Variants in DNAH10 observed in about 807,000 individuals in gnomAD.
The protein encoded by DNAH10 is axonemal beta dynein heavy chain 10.
DNAH10 carries 348 observed loss-of-function variants against 506.6 expected under a neutral mutation model. That is an observed-to-expected ratio of 0.69 (90% CI 0.63 to 0.75). The LOEUF (loss-of-function observed/expected upper bound fraction) is 0.75. Ranked by LOEUF, DNAH10 falls within the 30% of genes least tolerant of loss-of-function variation. The pLI is 0.00. For synonymous variants in DNAH10, 2,059 were observed against 2,198.6 expected (o/e 0.94, Z 1.78); for missense variants, 5,179 against 5,787.1 (o/e 0.89, Z 3.41).
chr12:123,886,941 T>G (rs1952760927), intron 51 of DNAH10, among the ~76,000 whole-genome samples: 1 of 152,160 alleles, frequency 6.6e-6, no homozygotes, highest in Non-Finnish European at 1.5e-5. Flanking sequence ...CCCCCTTTCC[T>G]CTGTTGCTGG....
intron 30 of DNAH10, among the ~76,000 whole-genome samples, chr12:123,842,808 G>A (rs950043969): frequency 6.6e-6 from 1 of 152,172 alleles, no homozygotes; most frequent in African/African-American, 2.4e-5. Context: ...AATGAAATAA[G>A]TGGTTTAACA....
At position 123,932,083 on chromosome 12, in the gene DNAH10, G is replaced by A. The variant is rs1955240423; in HGVS notation, c.13271G>A (p.Arg4424Gln). 14 of 1,613,696 alleles carry A rather than the reference G, an allele frequency of 8.7e-6. No homozygotes were observed. Among genetic ancestry groups the A allele is most frequent in the South Asian group, 7.7e-5 (7 of 91,076 alleles). Residue 4424 changes from arginine to glutamine, a missense_variant, in exon 76 of 79, where the codon CGG (arginine) becomes CAG (glutamine). Arg to Gln is a conservative substitution (Grantham distance 43). Around this residue, in one of 3 missense-constraint regions of DNAH10, gnomAD observed 4,844 missense variants for 5,430.5 expected, o/e 0.89. Transcript: ENST00000673944. ...GGAAACTGGATGGTCTACTTCCTGC[G>A]GCGGTTCAGCCAGTACATGTTGTGG... ...SLGNWMVYFL[R>Q]RFSQYMLWVT...
At chr12:123,766,068 GTCTATACATCTA>G (rs1457596826) in intron 1 of DNAH10, among the ~76,000 whole-genome samples, 2 of 149,570 alleles carry the variant, frequency 1.3e-5, no homozygotes, top group East Asian at 2.0e-4. Context: ...CTGTTTATCT[GTCTATACATCTA>G]TCTATACATC....
In DNAH10 at chr12:123,913,742, G is replaced by A. The variant is rs1566094008; in HGVS notation, c.10352+427G>A. 6.6e-6 allele frequency among the ~76,000 whole-genome samples: 1 copy of A among 152,184 alleles called. No individual in the cohort carries two copies. Among genetic ancestry groups the A allele is most frequent in the Non-Finnish European group, 1.5e-5 (1 of 68,032 alleles). ...TCCTGGGCTTCAGTCTTAAGTGATG[G>A]GGCTGTTTGATATTTATGGGCAAGA... On this transcript the variant is annotated intron_variant, in intron 60 of 78. Transcript: ENST00000673944. The surrounding 1 kb of genome is among the most constrained non-coding windows in gnomAD (Gnocchi z 5.1).
At chr12:123,896,472 A>T (rs192789781) in intron 54 of DNAH10, among the ~76,000 whole-genome samples, 1 of 152,180 alleles carries the variant, frequency 6.6e-6, no homozygotes, top group African/African-American at 2.4e-5. Flanking sequence ...GCCATCATTC[A>T]TTCTTTCAGC....
At position 123,799,267 on chromosome 12, in the gene DNAH10, G is replaced by T. The variant is rs1212157065; in HGVS notation, c.2185G>T (p.Val729Leu). The part of the protein sequence containing the change: ...GQEVKQKYLE[V>L]GRTMKEYEDR... ...ATAGGTCAAACAAAAATATTTGGAA[G>T]TAGGTAGGACAATGAAGGAGTATGA... Residue 729 changes from valine to leucine, a missense_variant, in exon 14 of 79, where the codon GTA becomes TTA. Val to Leu is a conservative substitution (Grantham distance 32). Coordinates refer to ENST00000673944, the MANE Select transcript of DNAH10 (RefSeq NM_001372106.1). 2.2e-5 allele frequency: 35 copies of T among 1,609,388 alleles called. No individual in the cohort carries two copies. Among genetic ancestry groups the T allele is most frequent in the East Asian group, 4.5e-5 (2 of 44,870 alleles).
chr12:123,889,879 C>T (rs1480788727), intron 52 of DNAH10, among the ~76,000 whole-genome samples: 2 of 152,196 alleles, frequency 1.3e-5, no homozygotes, highest in East Asian at 1.9e-4. Flanking sequence ...CTGCTTCAGG[C>T]CACCCGTTTC....
intron 67 of DNAH10, 72 bp downstream of exon 67, chr12:123,924,504 C>A: frequency 1.9e-6 from 3 of 1,561,230 alleles, no homozygotes; most frequent in South Asian, 1.2e-5. Flanking sequence ...AACTGTGGCC[C>A]AACCCCTTAA....
intron 17 of DNAH10, among the ~76,000 whole-genome samples, chr12:123,804,418 G>GCC (rs1181243022): frequency 6.6e-6 from 1 of 151,848 alleles, no homozygotes; most frequent in Non-Finnish European, 1.5e-5. Context: ...CCAGCTACTC[G>GCC]GGAGGCTGAG....
intron 1 of DNAH10, among the ~76,000 whole-genome samples, chr12:123,764,761 C>T (rs1201795896): frequency 6.6e-6 from 1 of 152,140 alleles, no homozygotes; most frequent in African/African-American, 2.4e-5. Context: ...CCTGGTCTTC[C>T]CTTCCATTCC....
chr12:123,898,025 C>T (rs890927801), intron 55 of DNAH10, 58 bp downstream of exon 55: 9 of 1,443,170 alleles, frequency 6.2e-6, no homozygotes, highest in South Asian at 4.5e-5. Context: ...GGTAAGGATT[C>T]GAGCGCTGAT....
At chr12:123,865,803 C>A in intron 40 of DNAH10, 148 bp from the exon 41 acceptor site, 1 of 663,478 alleles carries the variant, frequency 1.5e-6, no homozygotes, top group Non-Finnish European at 2.2e-6. Context: ...CCCAGGTGTT[C>A]AGTTAAAAAG....
At position 123,808,900 on chromosome 12, in the gene DNAH10, G is replaced by A. The variant is rs768393555; in HGVS notation, c.3091G>A (p.Glu1031Lys). Residue 1031 changes from glutamate (E) to lysine (K), a missense_variant, in exon 19 of 79, where the codon GAG becomes AAG. Physicochemically the swap from Glu to Lys is moderately conservative, Grantham distance 56. Transcript: ENST00000673944. ...PEIILHPNTN[E>K]IDKMCFHCVR... ...GATCATCCTTCATCCCAACACAAAT[G>A]AGATCGACAAGATGTGCTTCCATTG... 1.2e-6 allele frequency: 2 copies of A among 1,614,010 alleles called. No homozygotes were observed. The highest frequency in any genetic ancestry group is 2.7e-5 in the African/African-American group (2 of 74,890).
At chr12:123,924,118 G>T in intron 66 of DNAH10, 160 bp from the exon 67 acceptor site, 1 of 962,494 alleles carries the variant, frequency 1.0e-6, no homozygotes, top group Non-Finnish European at 1.5e-6. Context: ...GCGCCTGGTT[G>T]GTGTCACTGG....
chr12:123,882,789 CAAAAAAAAAA>C (rs59295124), intron 51 of DNAH10, among the ~76,000 whole-genome samples: 2 of 62,260 alleles, frequency 3.2e-5, no homozygotes, highest in East Asian at 1.4e-3. Context: ...AAGACTCTGT[CAAAAAAAAAA>C]AAAAAAAAAA....
At chr12:123,818,679 A>G (rs1959186663) in intron 21 of DNAH10, among the ~76,000 whole-genome samples, 1 of 152,052 alleles carries the variant, frequency 6.6e-6, no homozygotes, top group African/African-American at 2.4e-5. Flanking sequence ...ATACAGTCTC[A>G]CTGTGTTGCC....
Position 123,919,100 on chromosome 12 carries a change from G to C in DNAH10, c.11506+151G>C. ...TTCTTTTTCTTTTTTTTTTGAGATA[G>C]GGTCTTGCTCCATCACCCAGGCTGG... On this transcript the variant is annotated intron_variant, in intron 65 of 78. Coordinates refer to ENST00000673944, the MANE Select transcript of DNAH10 (RefSeq NM_001372106.1). This position sits in a 1 kb window ranked among gnomAD's most constrained non-coding sequence, Gnocchi z 4.9. 9.6e-7 allele frequency: 1 copy of C among 1,041,456 alleles called. No homozygotes were observed. The highest frequency in any genetic ancestry group is 2.6e-5 in the East Asian group (1 of 37,832). 64.5% of individuals were successfully genotyped at this position (1,041,456 alleles called of 1,614,324 possible).
intron 51 of DNAH10, among the ~76,000 whole-genome samples, chr12:123,886,668 G>A (rs1566048498): frequency 6.7e-6 from 1 of 150,244 alleles, no homozygotes; most frequent in Non-Finnish European, 1.5e-5. Flanking sequence ...CTCAGTTCCT[G>A]GAAATCTGCC....
chr12:123,925,170 GTGAC>G lies in DNAH10; in HGVS notation c.11893_11896del (p.Asp3965MetfsTer2), dbSNP rs1166958738. 4.3e-6 allele frequency: 7 copies of G among 1,613,536 alleles called. No homozygotes were observed. The highest frequency in any genetic ancestry group is 1.3e-5 in the African/African-American group (1 of 74,770). On this transcript the variant is annotated frameshift_variant, in exon 68 of 79. Transcript: ENST00000673944. LOFTEE classifies it high-confidence loss of function. This position sits in a 1 kb window ranked among gnomAD's most constrained non-coding sequence, Gnocchi z 4.0. ...CCGTGTGGATCGGGTCTATCGGGCC[GTGAC>G]TGACTATGTGACTGTAACAATGGGA...
Sources: allele counts gnomAD v4.1 joint callset (sites outside exome capture counted in the v4.1 genomes callset), GRCh38; gene constraint gnomAD v4.1.1; regional missense constraint gnomAD v4.1.1; non-coding constraint Gnocchi (gnomAD v3.1); transcripts MANE v1.5; gene names NCBI Gene and HGNC (gene_info 2026-07-23, HGNC 2026-07-21).